Variants in CMTM4 observed in about 807,000 individuals in gnomAD.
CMTM4 encodes the protein CKLF like MARVEL transmembrane domain containing 4.
In CMTM4, 8 loss-of-function variants were observed where a neutral mutation model predicts 19.0. The ratio of observed to expected loss-of-function variants is 0.42; its 90% CI spans 0.25 to 0.76. The LOEUF is 0.76. CMTM4 is among the 30% of genes least tolerant of loss of function. CMTM4 has a pLI of 0.27. For synonymous variants in CMTM4, 106 were observed against 121.1 expected, an observed-to-expected ratio of 0.88 and a Z score of 0.82; for missense variants, 228 against 290.2, an observed-to-expected ratio of 0.79 and a Z score of 1.56.
chr16:66,662,688 G>C (rs1235782342), intron 1 of CMTM4, among the ~76,000 whole-genome samples: 2 of 152,012 alleles, frequency 1.3e-5, no homozygotes, highest in Non-Finnish European at 2.9e-5. Flanking sequence ...CCACCATGTG[G>C]CCTAGGACAT....
At chr16:66,604,720 C>T in the CMTM4 span, 3 of 1,083,654 alleles carry the variant, frequency 2.8e-6, no homozygotes, top group South Asian at 4.4e-5. Flanking sequence ...GCCTGCCCTC[C>T]TTCCGCACAG....
At chr16:66,628,270 T>C (rs1328762916) in intron 2 of CMTM4, among the ~76,000 whole-genome samples, 1 of 152,212 alleles carries the variant, frequency 6.6e-6, no homozygotes, top group African/African-American at 2.4e-5. Flanking sequence ...GCAAGAGGCC[T>C]TCCTCTTTTA....
Position 66,634,448 on chromosome 16 carries a change from A to C in CMTM4, c.363+1957T>G, listed in dbSNP as rs199827051. Among the ~76,000 whole-genome samples, 155 of 86,870 alleles carry C rather than the reference A, an allele frequency of 1.8e-3. 2 individuals carry two copies. Among genetic ancestry groups the C allele is most frequent in the African/African-American group, 0.015 (130 of 8,752 alleles). The allele number at this position is 86,870 out of a possible 152,430, so 57.0% of individuals were successfully genotyped here. On this transcript the variant is annotated intron_variant, in intron 2 of 3. Transcript: ENST00000394106. ...GAGCAAGACTCTGTCTCAAAAAAAC[A>C]AAAAAAAAAACCCAAAAACAACAAA...
intron 1 of CMTM4, among the ~76,000 whole-genome samples, chr16:66,678,255 AT>A (rs1276381301): frequency 1.3e-5 from 2 of 152,208 alleles, no homozygotes; most frequent in Admixed American, 1.3e-4. Context: ...GCACAAAGCC[AT>A]AAAGAATGCT....
At chr16:66,647,785 C>T (rs2016233217) in intron 1 of CMTM4, among the ~76,000 whole-genome samples, 1 of 151,726 alleles carries the variant, frequency 6.6e-6, no homozygotes, top group South Asian at 2.1e-4. Flanking sequence ...ATCCTCCCAC[C>T]TCAGCCTCCC....
intron 1 of CMTM4, among the ~76,000 whole-genome samples, chr16:66,667,688 G>A (rs947872590): frequency 2.0e-5 from 3 of 152,170 alleles, no homozygotes; most frequent in Admixed American, 6.5e-5. Flanking sequence ...AGAAGCTCAA[G>A]ACCAGCCTGG....
intron 1 of CMTM4, among the ~76,000 whole-genome samples, chr16:66,673,700 T>C (rs1431213396): frequency 6.6e-6 from 1 of 152,250 alleles, no homozygotes; most frequent in Non-Finnish European, 1.5e-5. Context: ...TTTTACATAC[T>C]CCTTGCAGTT....
At chr16:66,607,835 G>GTT in the CMTM4 span, among the ~76,000 whole-genome samples, 16 of 145,134 alleles carry the variant, frequency 1.1e-4, 1 homozygote, top group East Asian at 1.8e-3. Flanking sequence ...GCCATGCTGG[G>GTT]TTTTTTTTTT....
chr16:66,682,522 C>A (rs2016934660), intron 1 of CMTM4, among the ~76,000 whole-genome samples: 1 of 152,156 alleles, frequency 6.6e-6, no homozygotes, highest in African/African-American at 2.4e-5. Flanking sequence ...AAGAAAACAT[C>A]CAGAACTATC....
downstream of CMTM4, among the ~76,000 whole-genome samples, chr16:66,614,227 TC>T (rs972568483): frequency 6.6e-6 from 1 of 152,214 alleles, no homozygotes; most frequent in African/African-American, 2.4e-5. This position sits in a 1 kb window ranked among gnomAD's most constrained non-coding sequence, Gnocchi z 4.9. Context: ...ATGGTACCAG[TC>T]CACTGCCCAG....
intron 1 of CMTM4, among the ~76,000 whole-genome samples, chr16:66,678,536 G>A (rs1478639162): frequency 1.3e-5 from 2 of 152,124 alleles, no homozygotes; most frequent in Non-Finnish European, 2.9e-5. Flanking sequence ...ACCTTTCATT[G>A]TCCTTGAGCT....
chr16:66,612,706 G>C, downstream of CMTM4: 2 of 1,516,540 alleles, frequency 1.3e-6, no homozygotes, highest in East Asian at 4.5e-5. The surrounding 1 kb of genome is among the most constrained non-coding windows in gnomAD (Gnocchi z 6.0). Context: ...AGGGGTCGCT[G>C]GCGTTGGAGC....
At chr16:66,671,865 T>A (rs553214698) in intron 1 of CMTM4, among the ~76,000 whole-genome samples, 89 of 147,624 alleles carry the variant, frequency 6.0e-4, no homozygotes, top group East Asian at 1.8e-3. Context: ...AAAAAATATT[T>A]AAAAAAAAAA....
intron 1 of CMTM4, among the ~76,000 whole-genome samples, chr16:66,670,765 G>A (rs1288198894): frequency 2.0e-5 from 3 of 151,600 alleles, no homozygotes; most frequent in East Asian, 1.9e-4. Flanking sequence ...GGGCCACTGC[G>A]CTCCAGCCTG....
In CMTM4 at chr16:66,615,012, A is replaced by C. The variant is rs748552754; in HGVS notation, c.*7046T>G. On this transcript the variant is annotated 3_prime_UTR_variant, in exon 4 of 4. Coordinates refer to ENST00000394106, the MANE Select transcript of CMTM4 (RefSeq NM_181521.3). This position sits in a 1 kb window ranked among gnomAD's most constrained non-coding sequence, Gnocchi z 4.9. ...GGGCCCCAACCCACTCCATACATAC[A>C]GACTTGAACCCAAAAGCCAGGCCAG... 1 of 152,254 alleles carries C rather than the reference A, an allele frequency of 6.6e-6. No individual in the cohort carries two copies. The highest frequency in any genetic ancestry group is 1.5e-5 in the Non-Finnish European group (1 of 68,060). 9.4% of individuals were successfully genotyped at this position (152,254 alleles called of 1,614,324 possible). A position where few individuals can be genotyped will look rare whatever the true frequency, so the allele number is the denominator to read the frequency against.
At chr16:66,673,069 C>CA (rs1238916671) in intron 1 of CMTM4, among the ~76,000 whole-genome samples, 1 of 137,984 alleles carries the variant, frequency 7.2e-6, no homozygotes, top group African/African-American at 2.7e-5. Flanking sequence ...GCCACCACAC[C>CA]AATTTTTTTT....
intron 2 of CMTM4, among the ~76,000 whole-genome samples, chr16:66,629,799 C>T (rs1236194449): frequency 6.6e-6 from 1 of 152,118 alleles, no homozygotes; most frequent in African/African-American, 2.4e-5. Flanking sequence ...TCATGCCTAC[C>T]TAGTGAAATC....
the CMTM4 span, among the ~76,000 whole-genome samples, chr16:66,600,399 C>T: frequency 6.6e-6 from 1 of 152,158 alleles, no homozygotes; most frequent in Non-Finnish European, 1.5e-5. Flanking sequence ...CCCACCTCAG[C>T]CTCCCAAAGT....
At chr16:66,682,383 C>CTT (rs113106474) in intron 1 of CMTM4, among the ~76,000 whole-genome samples, 2 of 146,406 alleles carry the variant, frequency 1.4e-5, no homozygotes, top group East Asian at 2.0e-4. Flanking sequence ...GGTTGTTTTT[C>CTT]TTTTTTTTTT....
Sources: allele counts gnomAD v4.1 joint callset (sites outside exome capture counted in the v4.1 genomes callset), GRCh38; gene constraint gnomAD v4.1.1; non-coding constraint Gnocchi (gnomAD v3.1); transcripts MANE v1.5; gene names NCBI Gene and HGNC (gene_info 2026-07-23, HGNC 2026-07-21).